The following NAALADL2 variants were observed in gnomAD, a reference collection of about 807,000 sequenced individuals.
NAALADL2 encodes the protein N-acetylated alpha-linked acidic dipeptidase like 2, also known as inactive N-acetylated-alpha-linked acidic dipeptidase-like protein 2.
A neutral mutation model predicts 87.2 loss-of-function variants in NAALADL2; 76 were observed. That is an observed-to-expected ratio of 0.87 (90% CI 0.72 to 1.05). The LOEUF (loss-of-function observed/expected upper bound fraction) is 1.05. NAALADL2 is among the 50% of genes least tolerant of loss of function. The pLI is 0.00. For missense variants in NAALADL2, 1,089 were observed against 945.8 expected, an observed-to-expected ratio of 1.15 and a Z score of -1.99; for synonymous variants, 354 against 331.0, an observed-to-expected ratio of 1.07 and a Z score of -0.75.
Position 175,256,467 on chromosome 3 carries a change from A to G in NAALADL2, c.876A>G (p.Lys292=). Residue 292 remains lysine (K), a synonymous_variant, in exon 4 of 14, where the codon AAA becomes AAG. Transcript: ENST00000454872. ...CAGATGATTTAAAAAGGATTAGGAAAATAAAAAACGTAACAAATCAGATCG... is the reference window on the plus strand; with the variant it reads ...CAGATGATTTAAAAAGGATTAGGAAGATAAAAAACGTAACAAATCAGATCG... ...GMADDLKRIR[K]IKNVTNQIAL... is the part of the protein sequence containing the mutation. 1 of 1,612,530 alleles carries G rather than the reference A, an allele frequency of 6.2e-7. No homozygotes were observed. The highest frequency in any genetic ancestry group is 8.5e-7 in the Non-Finnish European group (1 of 1,179,228).
intron 3 of NAALADL2, among the ~76,000 whole-genome samples, chr3:174,793,669 A>C (rs2109213662): frequency 6.6e-6 from 1 of 152,248 alleles, no homozygotes; most frequent in South Asian, 2.1e-4. Flanking sequence ...ACAAAAGTCT[A>C]AGTTTCATTA....
chr3:174,817,734 T>C (rs1720959930), intron 3 of NAALADL2, among the ~76,000 whole-genome samples: 1 of 152,230 alleles, frequency 6.6e-6, no homozygotes, highest in Non-Finnish European at 1.5e-5. Flanking sequence ...CTCCTTAGAC[T>C]AATGCATTTA....
At chr3:174,503,269 T>G (rs1037029311) in intron 1 of NAALADL2, among the ~76,000 whole-genome samples, 1 of 152,190 alleles carries the variant, frequency 6.6e-6, no homozygotes, top group Non-Finnish European at 1.5e-5. Context: ...ATGTCTGCCA[T>G]GTTTCTGAAT....
intron 1 of NAALADL2, among the ~76,000 whole-genome samples, chr3:174,921,727 T>C (rs1418409952): frequency 6.7e-6 from 1 of 148,842 alleles, no homozygotes; most frequent in Admixed American, 6.8e-5. Flanking sequence ...ATGGCTTGAA[T>C]CTGGGAGGCA....
rs192571989 is a variant in NAALADL2 at position 175,542,158 on chromosome 3, C to A, written c.1654-33883C>A. On this transcript the variant is annotated intron_variant, in intron 9 of 13. Transcript: ENST00000454872. ...TAGTGTAATGGCTTTGAATGAAAATCCATCAAACACCATGAAAAATTTACA... is the reference window on the plus strand; with the variant it reads ...TAGTGTAATGGCTTTGAATGAAAATACATCAAACACCATGAAAAATTTACA... Among the ~76,000 whole-genome samples the A allele has an allele frequency of 1.8e-4, 28 of 152,190 alleles. No homozygotes were observed. The East Asian group carries it at 4.8e-3, about 26-fold the overall frequency.
At chr3:174,578,687 G>A (rs1048331018) in intron 2 of NAALADL2, among the ~76,000 whole-genome samples, 10 of 151,784 alleles carry the variant, frequency 6.6e-5, no homozygotes, top group African/African-American at 1.2e-4. Context: ...AACAGAGAGT[G>A]GCAGAAATGG....
chr3:174,663,779 A>G (rs944006875), intron 2 of NAALADL2, among the ~76,000 whole-genome samples: 2 of 136,162 alleles, frequency 1.5e-5, no homozygotes, highest in African/African-American at 2.7e-5. Flanking sequence ...TATTCACTGG[A>G]TTTCTTTTTT....
rs147127222 is a variant in NAALADL2, at chr3:175,405,373, T to A, written c.1091-41856T>A. On this transcript the variant is annotated intron_variant, in intron 5 of 13. Transcript: ENST00000454872. ...AAGTGCCATGTATACTTTAGTAAGC[T>A]CATTTTGAGGAGGATATGTAACAAT... Among the ~76,000 whole-genome samples, 89 of 152,248 alleles carry A rather than the reference T, an allele frequency of 5.8e-4. No individual in the cohort carries two copies. The East Asian group carries it at 0.016, about 27-fold the overall frequency.
chr3:175,567,485 C>T (rs997832664), intron 9 of NAALADL2, among the ~76,000 whole-genome samples: 1 of 151,490 alleles, frequency 6.6e-6, no homozygotes, highest in Non-Finnish European at 1.5e-5. Context: ...TTTTTCTATA[C>T]CCGATAACAA....
chr3:175,263,423 G>A (rs180913541), intron 4 of NAALADL2, among the ~76,000 whole-genome samples: 1 of 151,950 alleles, frequency 6.6e-6, no homozygotes, highest in Admixed American at 6.6e-5. Flanking sequence ...ATAAAAGTGT[G>A]TCTACGAATC....
chr3:175,471,798 C>T (rs746705998), intron 9 of NAALADL2, 40 bp downstream of exon 9: 3 of 1,521,628 alleles, frequency 2.0e-6, no homozygotes, highest in South Asian at 1.3e-5. Context: ...TTATGCAAAA[C>T]CGACCTTTTC....
At chr3:175,684,517 C>A (rs778743144) in intron 11 of NAALADL2, among the ~76,000 whole-genome samples, 11 of 151,986 alleles carry the variant, frequency 7.2e-5, no homozygotes, top group Non-Finnish European at 1.5e-4. Context: ...TGTTTAGGCC[C>A]AACACAGTGG....
intron 4 of NAALADL2, among the ~76,000 whole-genome samples, chr3:175,292,595 C>CAT (rs1202446689): frequency 1.4e-5 from 2 of 139,432 alleles, no homozygotes; most frequent in Non-Finnish European, 3.2e-5. Flanking sequence ...AGTTGGGATA[C>CAT]ACACACACAC....
At chr3:174,581,214 A>G (rs1578220643) in intron 2 of NAALADL2, among the ~76,000 whole-genome samples, 1 of 152,216 alleles carries the variant, frequency 6.6e-6, no homozygotes, top group African/African-American at 2.4e-5. Flanking sequence ...AAGAATCTAA[A>G]TTGGAAACAA....
intron 2 of NAALADL2, among the ~76,000 whole-genome samples, chr3:175,186,205 T>C (rs1413984229): frequency 1.3e-5 from 2 of 152,066 alleles, no homozygotes; most frequent in South Asian, 2.1e-4. Flanking sequence ...ATTGCCTTAT[T>C]TGTAGTGTCA....
At chr3:174,539,356 T>A (rs767205872) in intron 1 of NAALADL2, among the ~76,000 whole-genome samples, 6 of 152,214 alleles carry the variant, frequency 3.9e-5, no homozygotes, top group Non-Finnish European at 4.4e-5. Context: ...TGTTTTATAA[T>A]AAATTGTTCA....
At chr3:175,190,705 G>C (rs753423934) in intron 2 of NAALADL2, among the ~76,000 whole-genome samples, 1 of 152,076 alleles carries the variant, frequency 6.6e-6, no homozygotes, top group Admixed American at 6.6e-5. Flanking sequence ...GGCCGGGCGC[G>C]GTGGCTCACG....
chr3:175,651,201 T>C (rs1730715315), intron 11 of NAALADL2, among the ~76,000 whole-genome samples: 1 of 152,130 alleles, frequency 6.6e-6, no homozygotes, highest in Non-Finnish European at 1.5e-5. Flanking sequence ...CTCTGAATAA[T>C]TGAAGAAAAT....
chr3:174,665,646 A>G (rs1470436022), intron 2 of NAALADL2, among the ~76,000 whole-genome samples: 1 of 152,166 alleles, frequency 6.6e-6, no homozygotes. Context: ...CTTCATGAAA[A>G]TCTGGCTTCC....
Sources: allele counts gnomAD v4.1 joint callset (sites outside exome capture counted in the v4.1 genomes callset), GRCh38; gene constraint gnomAD v4.1.1; transcripts MANE v1.5; gene names NCBI Gene and HGNC (gene_info 2026-07-23, HGNC 2026-07-21).